FNBP1L: variants seen among roughly 807,000 people sequenced by gnomAD.
FNBP1L encodes formin binding protein 1 like, also known as formin-binding protein 1-like.
In FNBP1L, 36 loss-of-function variants were observed where a neutral mutation model predicts 91.2. The ratio of observed to expected loss-of-function variants is 0.39; its 90% CI spans 0.30 to 0.52. The LOEUF (loss-of-function observed/expected upper bound fraction) is 0.52, where lower values mean the gene tolerates loss of function less well. Ranked by LOEUF, FNBP1L falls within the 20% of genes least tolerant of loss-of-function variation. The pLI, the probability that FNBP1L is intolerant of heterozygous loss-of-function variation, is 0.66. For synonymous variants in FNBP1L, 242 were observed against 237.0 expected (o/e 1.02, Z -0.19); for missense variants, 571 against 732.1 (o/e 0.78, Z 2.54).
chr1:93,468,262 A>G (rs141414557), intron 1 of FNBP1L, among the ~76,000 whole-genome samples: 9 of 152,232 alleles, frequency 5.9e-5, no homozygotes, highest in Admixed American at 3.3e-4. Flanking sequence ...AGGCTCATGC[A>G]TACTGTAACA....
At chr1:93,495,525 G>A (rs1670233693) in intron 1 of FNBP1L, among the ~76,000 whole-genome samples, 1 of 152,100 alleles carries the variant, frequency 6.6e-6, no homozygotes, top group African/African-American at 2.4e-5. Flanking sequence ...TTTTATTATG[G>A]TTAGTTTTAT....
intron 1 of FNBP1L, among the ~76,000 whole-genome samples, chr1:93,492,221 G>C (rs1670116444): frequency 6.6e-6 from 1 of 152,134 alleles, no homozygotes; most frequent in Admixed American, 6.5e-5. Context: ...TGAGAATCCT[G>C]AAAGAGCTTG....
intron 1 of FNBP1L, among the ~76,000 whole-genome samples, chr1:93,456,486 G>A (rs1465896678): frequency 2.0e-5 from 3 of 151,756 alleles, no homozygotes; most frequent in African/African-American, 7.3e-5. Context: ...TTATAGAAAA[G>A]GAGCCAGGTG....
At chr1:93,513,041 AAGAG>A (rs895332483) in intron 2 of FNBP1L, among the ~76,000 whole-genome samples, 20 of 152,310 alleles carry the variant, frequency 1.3e-4, no homozygotes, top group Admixed American at 8.5e-4. Context: ...CTAATAAAAA[AAGAG>A]AGAAGAATCA....
intron 1 of FNBP1L, among the ~76,000 whole-genome samples, chr1:93,450,870 A>G (rs1436339295): frequency 6.6e-6 from 1 of 152,178 alleles, no homozygotes; most frequent in African/African-American, 2.4e-5. Context: ...TCTTATGTTA[A>G]ATTTGAGAAA....
rs745559320 is a variant in FNBP1L at position 93,534,925 on chromosome 1, T to C, written c.990+17T>C. The C allele has an allele frequency of 2.1e-5, 32 of 1,552,120 alleles. No individual in the cohort carries two copies. In the African/African-American group the frequency reaches 4.1e-4, roughly 20 times the overall value. On this transcript the variant is annotated intron_variant, in intron 9 of 16. Coordinates refer to ENST00000271234, the MANE Select transcript of FNBP1L (RefSeq NM_001164473.3). The stretch of plus-strand genomic sequence containing the variant: ...AAGCCAAAGGTAAAAGTCATAAAAT[T>C]CCTATATGCTAATCAGTTTAAGTGT...
At chr1:93,528,771 T>C (rs911666167) in intron 5 of FNBP1L, among the ~76,000 whole-genome samples, 3 of 152,002 alleles carry the variant, frequency 2.0e-5, no homozygotes, top group African/African-American at 7.2e-5. Context: ...GAAAATAAAA[T>C]CAATAGAATT....
chr1:93,448,364 G>A, intron 1 of FNBP1L, 59 bp downstream of exon 1: 3 of 1,456,326 alleles, frequency 2.1e-6, no homozygotes, highest in Non-Finnish European at 2.7e-6. Flanking sequence ...CGCGGGTTGG[G>A]CGGGCGCCGC....
Position 93,541,003 on chromosome 1 carries a change from A to G in FNBP1L, c.1150-39A>G, listed in dbSNP as rs914331059. On this transcript the variant is annotated intron_variant, in intron 10 of 16. Transcript: ENST00000271234. ...TTCTGTATTATGGTTTCCTGTGAAT[A>G]ATTTACCATTTCTTTCTGTTTTCCA... 2.0e-6 allele frequency: 3 copies of G among 1,532,146 alleles called. No homozygotes were observed. In the African/African-American group the frequency reaches 4.1e-5, roughly 21 times the overall value. 94.9% of individuals were successfully genotyped at this position (1,532,146 alleles called of 1,614,324 possible). A position where few individuals can be genotyped will look rare whatever the true frequency, so the allele number is the denominator to read the frequency against.
At chr1:93,462,450 A>G (rs1378377454) in intron 1 of FNBP1L, among the ~76,000 whole-genome samples, 3 of 152,178 alleles carry the variant, frequency 2.0e-5, no homozygotes, top group African/African-American at 4.8e-5. Context: ...ATTATTAACT[A>G]AAGGCCACAG....
At chr1:93,548,033 C>A (rs1672298168) in intron 14 of FNBP1L, among the ~76,000 whole-genome samples, 1 of 152,084 alleles carries the variant, frequency 6.6e-6, no homozygotes. Context: ...TTTAATGCTC[C>A]CTAAGTCTCA....
At position 93,448,159 on chromosome 1, in the gene FNBP1L, G is replaced by A. The variant is rs933951896; in HGVS notation, c.-123G>A. The A allele has an allele frequency of 5.5e-6, 7 of 1,266,110 alleles. No homozygotes were observed. The highest frequency in any genetic ancestry group is 3.2e-5 in the African/African-American group (2 of 63,172). 78.4% of individuals were successfully genotyped at this position (1,266,110 alleles called of 1,614,324 possible). A position where few individuals can be genotyped will look rare whatever the true frequency, so the allele number is the denominator to read the frequency against. ...CTCACTGGGGAGCCCGGCGGTGGCG[G>A]CACCTTTCGAGGTAGACCCGCTGAG... On this transcript the variant is annotated 5_prime_UTR_variant, in exon 1 of 17. Transcript: ENST00000271234.
rs200395780 is a variant in FNBP1L, at chr1:93,543,944, AACAC to A, written c.1165-157_1165-154del. ...TTGTTTTCATTAACATATACGCATAAACACACACATCTGTGTAGATTTCTTTTTT... is the reference window on the plus strand; with the variant it reads ...TTGTTTTCATTAACATATACGCATAAACACATCTGTGTAGATTTCTTTTTT... On this transcript the variant is annotated intron_variant, in intron 11 of 16. Coordinates refer to ENST00000271234, the MANE Select transcript of FNBP1L (RefSeq NM_001164473.3). 64 of 442,872 alleles carry A rather than the reference AACAC, an allele frequency of 1.4e-4. No individual in the cohort carries two copies. The East Asian group carries it at 2.2e-3, about 15-fold the overall frequency. 27.4% of individuals were successfully genotyped at this position (442,872 alleles called of 1,614,324 possible).
intron 2 of FNBP1L, among the ~76,000 whole-genome samples, chr1:93,520,370 G>A (rs1395958849): frequency 6.6e-6 from 1 of 152,168 alleles, no homozygotes; most frequent in African/African-American, 2.4e-5. Flanking sequence ...GTTTTAAGCA[G>A]TGCATCTCAA....
intron 1 of FNBP1L, among the ~76,000 whole-genome samples, chr1:93,491,775 T>A (rs2101717847): frequency 6.6e-6 from 1 of 152,356 alleles, no homozygotes; most frequent in Admixed American, 6.5e-5. Context: ...CAACCTTAAA[T>A]ATACTTAACA....
In FNBP1L at chr1:93,514,565, C is replaced by A. The variant is rs920458367; in HGVS notation, c.141-7517C>A. Among the ~76,000 whole-genome samples, 257 of 152,308 alleles carry A rather than the reference C, an allele frequency of 1.7e-3. 1 individual carries two copies. The highest frequency in any genetic ancestry group is 3.4e-3 in the Middle Eastern group (1 of 294). ...AAACAGCATGGTACTGGTACCAACA[C>A]AGAGATGTAGATCAATGGAACAGAA... On this transcript the variant is annotated intron_variant, in intron 2 of 16. Transcript: ENST00000271234.
rs1672498962 is a variant in FNBP1L at position 93,554,061 on chromosome 1, C to T, written c.*1645C>T. On this transcript the variant is annotated 3_prime_UTR_variant, in exon 17 of 17. Coordinates refer to ENST00000271234, the MANE Select transcript of FNBP1L (RefSeq NM_001164473.3). ...AGTTACTGCCTTCATAAGATCAAGT[C>T]ACCACTGTTACACAGCTGACATATA... 6.6e-6 allele frequency: 1 copy of T among 152,634 alleles called. No individual in the cohort carries two copies. The highest frequency in any genetic ancestry group is 6.5e-5 in the Admixed American group (1 of 15,274). 9.5% of individuals were successfully genotyped at this position (152,634 alleles called of 1,614,324 possible).
chr1:93,530,758 A>ATG lies in FNBP1L; in HGVS notation c.514_515insTG (p.Lys172MetfsTer5). 1 of 1,596,954 alleles carries ATG rather than the reference A, an allele frequency of 6.3e-7. No homozygotes were observed. Among genetic ancestry groups the ATG allele is most frequent in the Non-Finnish European group, 8.5e-7 (1 of 1,171,594 alleles). On this transcript the variant is annotated frameshift_variant, in exon 7 of 17. Coordinates refer to ENST00000271234, the MANE Select transcript of FNBP1L (RefSeq NM_001164473.3). LOFTEE classifies it high-confidence loss of function. ...ATTTCGACCATTTTGCCCCTAGGCC[A>ATG]AACAGCAGTTGAATCTGCGTACGCA...
At chr1:93,453,438 C>T (rs1352901480) in intron 1 of FNBP1L, among the ~76,000 whole-genome samples, 1 of 152,084 alleles carries the variant, frequency 6.6e-6, no homozygotes, top group Admixed American at 6.5e-5. Context: ...CTCTCTCCTT[C>T]CCCCACCCTA....
Sources: allele counts gnomAD v4.1 joint callset (sites outside exome capture counted in the v4.1 genomes callset), GRCh38; gene constraint gnomAD v4.1.1; transcripts MANE v1.5; gene names NCBI Gene and HGNC (gene_info 2026-07-23, HGNC 2026-07-21).